Variants in ARL15 observed in about 807,000 individuals in gnomAD.
ARL15 encodes the protein ARF like GTPase 15.
Under a neutral mutation model 25.2 loss-of-function variants are expected in ARL15, and 19 were observed. The observed-to-expected ratio is 0.75, with a 90% CI of 0.53 to 1.10. The LOEUF is 1.10. Among genes scored for constraint, ARL15 ranks in the 50% least tolerant of loss-of-function variants. The probability of loss-of-function intolerance (pLI) is 0.00; values close to 1 mark genes in which losing one functional copy is unlikely to be tolerated. For missense variants in ARL15, 220 were observed against 246.0 expected, an observed-to-expected ratio of 0.89 and a Z score of 0.71; for synonymous variants, 94 against 86.8, an observed-to-expected ratio of 1.08 and a Z score of -0.46.
intron 4 of ARL15, among the ~76,000 whole-genome samples, chr5:53,913,089 C>A (rs1013024832): frequency 2.0e-5 from 3 of 152,044 alleles, no homozygotes; most frequent in African/African-American, 7.2e-5. Context: ...CACTTGAGGC[C>A]GGACTTCAAG....
intron 4 of ARL15, among the ~76,000 whole-genome samples, chr5:53,956,539 A>G (rs537907793): frequency 3.3e-5 from 5 of 151,700 alleles, no homozygotes; most frequent in Non-Finnish European, 5.9e-5. Context: ...CCTGAGGACC[A>G]AAGGCACTAA....
intron 1 of ARL15, among the ~76,000 whole-genome samples, chr5:54,233,648 G>A (rs960660097): frequency 3.3e-5 from 5 of 152,176 alleles, no homozygotes; most frequent in Non-Finnish European, 5.9e-5. Context: ...ACTAGAATAA[G>A]TTCACTGATA....
chr5:54,192,538 T>C (rs1229980834), intron 1 of ARL15, among the ~76,000 whole-genome samples: 1 of 151,656 alleles, frequency 6.6e-6, no homozygotes, highest in Non-Finnish European at 1.5e-5. Flanking sequence ...GGAAGGAACA[T>C]GCATCCTTTT....
At chr5:54,275,608 C>T (rs1393673422) in intron 1 of ARL15, among the ~76,000 whole-genome samples, 2 of 152,124 alleles carry the variant, frequency 1.3e-5, no homozygotes, top group Non-Finnish European at 2.9e-5. Context: ...AGAGCCTGAG[C>T]GCCTGACTCA....
chr5:54,058,571 G>T (rs1203397636), intron 4 of ARL15, among the ~76,000 whole-genome samples: 6 of 152,166 alleles, frequency 3.9e-5, no homozygotes, highest in African/African-American at 1.4e-4. Flanking sequence ...AAGTCTTGAA[G>T]ACAGCAAGGG....
At chr5:54,109,277 C>T (rs1194426660) in intron 4 of ARL15, among the ~76,000 whole-genome samples, 4 of 151,900 alleles carry the variant, frequency 2.6e-5, no homozygotes, top group Non-Finnish European at 5.9e-5. Context: ...TTAGTATTTG[C>T]TTTAATAGAA....
chr5:54,177,184 A>G (rs925359184), intron 1 of ARL15, among the ~76,000 whole-genome samples: 2 of 152,174 alleles, frequency 1.3e-5, no homozygotes, highest in Non-Finnish European at 2.9e-5. Flanking sequence ...CTACTATATT[A>G]TGTCAGGACA....
intron 4 of ARL15, among the ~76,000 whole-genome samples, chr5:54,026,598 G>T (rs990442105): frequency 6.6e-6 from 1 of 152,120 alleles, no homozygotes; most frequent in African/African-American, 2.4e-5. Context: ...ATTCTGAGTC[G>T]AACATTCAAG....
chr5:54,277,275 C>CA (rs1354513762), intron 1 of ARL15, among the ~76,000 whole-genome samples: 4 of 151,494 alleles, frequency 2.6e-5, no homozygotes, highest in Non-Finnish European at 5.9e-5. Flanking sequence ...CCTCCCCCCG[C>CA]AAAAAAGAAA....
At chr5:54,018,368 G>C in intron 4 of ARL15, among the ~76,000 whole-genome samples, 1 of 152,202 alleles carries the variant, frequency 6.6e-6, no homozygotes, top group East Asian at 1.9e-4. Context: ...TGCAGACATA[G>C]ATGGTGGGTA....
intron 1 of ARL15, among the ~76,000 whole-genome samples, chr5:54,212,670 T>C (rs1026522716): frequency 1.4e-4 from 21 of 152,240 alleles, no homozygotes; most frequent in African/African-American, 4.8e-4. Flanking sequence ...GACTATTTTT[T>C]CTGTTTTCTC....
At chr5:53,911,958 T>C (rs1259222096) in intron 4 of ARL15, 1 of 152,078 alleles carries the variant, frequency 6.6e-6, no homozygotes, top group East Asian at 1.9e-4. Flanking sequence ...CACCTTCCTT[T>C]CCAAGAATTC....
chr5:53,946,315 T>C (rs528606843), intron 4 of ARL15, among the ~76,000 whole-genome samples: 4 of 152,034 alleles, frequency 2.6e-5, no homozygotes, highest in South Asian at 2.1e-4. Context: ...CCAGGCGTAG[T>C]GGCATGCAAG....
At position 54,253,941 on chromosome 5, in the gene ARL15, T is replaced by C. The variant is rs1302066551; in HGVS notation, c.48+56491A>G. 2.0e-5 allele frequency among the ~76,000 whole-genome samples: 3 copies of C among 152,178 alleles called. 1 individual carries two copies. The highest frequency in any genetic ancestry group is 1.3e-4 in the Admixed American group (2 of 15,276). On this transcript the variant is annotated intron_variant, in intron 1 of 4. Coordinates refer to ENST00000504924, the MANE Select transcript of ARL15 (RefSeq NM_019087.3). ...TAAGGTTAAGAAACCAGTGAGATTA[T>C]TTTCCTAAACTAAAAGAACTTCCAC... is the stretch of plus-strand genomic sequence containing the variant.
chr5:54,185,924 G>T (rs1359010207), intron 1 of ARL15, among the ~76,000 whole-genome samples: 1 of 152,064 alleles, frequency 6.6e-6, no homozygotes, highest in Non-Finnish European at 1.5e-5. Context: ...GATATGATAT[G>T]CCAAATCCCA....
intron 1 of ARL15, among the ~76,000 whole-genome samples, chr5:54,289,161 C>G (rs1758259131): frequency 6.6e-6 from 1 of 152,128 alleles, no homozygotes; most frequent in East Asian, 1.9e-4. Flanking sequence ...GCTGAAGCAC[C>G]AATGAACTTT....
chr5:54,136,178 A>G (rs1753597712), intron 3 of ARL15, among the ~76,000 whole-genome samples: 1 of 152,218 alleles, frequency 6.6e-6, no homozygotes, highest in East Asian at 1.9e-4. Flanking sequence ...TCATTGACTC[A>G]TTTAGTACAA....
At chr5:54,297,212 AC>A (rs1224463803) in intron 1 of ARL15, among the ~76,000 whole-genome samples, 7 of 151,952 alleles carry the variant, frequency 4.6e-5, no homozygotes, top group African/African-American at 1.5e-4. Context: ...GGCAGACTGG[AC>A]CCCCCTCAAG....
intron 4 of ARL15, among the ~76,000 whole-genome samples, chr5:54,095,844 C>T (rs1246319180): frequency 6.6e-6 from 1 of 151,154 alleles, no homozygotes; most frequent in African/African-American, 2.4e-5. Context: ...GAGAAAAAAA[C>T]TTGAATCAAG....
Sources: allele counts gnomAD v4.1 joint callset (sites outside exome capture counted in the v4.1 genomes callset), GRCh38; gene constraint gnomAD v4.1.1; transcripts MANE v1.5; gene names NCBI Gene and HGNC (gene_info 2026-07-23, HGNC 2026-07-21).